Variants in P2RY10 observed in about 807,000 individuals in gnomAD.
P2RY10 encodes P2Y receptor family member 10, also known as putative P2Y purinoceptor 10.
In P2RY10, 4 loss-of-function variants were observed where a neutral mutation model predicts 12.1. The ratio of observed to expected loss-of-function variants is 0.33; its 90% CI spans 0.16 to 0.76. The LOEUF is 0.76. P2RY10 is among the 30% of genes least tolerant of loss of function. P2RY10 has a pLI of 0.61. For synonymous variants in P2RY10, 112 were observed against 94.1 expected, an observed-to-expected ratio of 1.19 and a Z score of -1.10; for missense variants, 233 against 264.6, an observed-to-expected ratio of 0.88 and a Z score of 0.83.
At chrX:78,960,406 A>G (rs1375280697) in intron 3 of P2RY10, 102 bp from the exon 4 acceptor site, 1 of 608,669 alleles carries the variant, frequency 1.6e-6, no homozygotes, top group Non-Finnish European at 2.5e-6. Context: ...GTCTCTTCTA[A>G]TTCTAATAGT....
At chrX:78,950,277 G>T (rs1167556442) in intron 2 of P2RY10, among the ~76,000 whole-genome samples, 1 of 110,984 alleles carries the variant, frequency 9.0e-6, no homozygotes, top group Non-Finnish European at 1.9e-5. Context: ...AGGGTTCAGA[G>T]GGGGAATTCT....
In P2RY10 at chrX:78,963,013, T is replaced by G. The variant is rs184167991; in HGVS notation, c.*1473T>G. On this transcript the variant is annotated 3_prime_UTR_variant, in exon 4 of 4. Transcript: ENST00000171757. ...GTGTGTCCTCTTTCTGACAATCTTT[T>G]TATCTTATTTTTTTCAAACGTTGTG... 2.1e-4 allele frequency among the ~76,000 whole-genome samples: 24 copies of G among 112,317 alleles called. No homozygotes were observed. The highest frequency in any genetic ancestry group is 2.0e-3 in the Admixed American group (21 of 10,584).
chrX:78,956,023 C>T (rs1922318555), intron 3 of P2RY10, among the ~76,000 whole-genome samples: 1 of 111,953 alleles, frequency 8.9e-6, no homozygotes, highest in African/African-American at 3.2e-5. Context: ...CCTCCTCACT[C>T]CCATGTGTAG....
chrX:78,959,530 T>A (rs2032485), intron 3 of P2RY10, among the ~76,000 whole-genome samples: 45,467 of 110,560 alleles, frequency 0.41, 7,272 homozygotes, highest in Non-Finnish European at 0.51. Context: ...ATAAAAACCA[T>A]ACTAAATCAT....
At chrX:78,948,916 G>A (rs762562513) in intron 2 of P2RY10, among the ~76,000 whole-genome samples, 3 of 111,736 alleles carry the variant, frequency 2.7e-5, no homozygotes, top group South Asian at 7.4e-4. Context: ...GTGATTAGTA[G>A]GATTGCTGTA....
intron 2 of P2RY10, among the ~76,000 whole-genome samples, chrX:78,948,713 A>AT (rs955681636): frequency 1.7e-4 from 19 of 110,866 alleles, no homozygotes; most frequent in South Asian, 3.8e-4. Flanking sequence ...GAGAACATCT[A>AT]TTTTTTTTAT....
chrX:78,961,087 A>G lies in P2RY10; in HGVS notation c.567A>G (p.Gln189=). ...GCTTTGCTGATCTTGGATACAAGCA[A>G]ATGAATGCAGTTGCGTTGGTCGGGA... The part of the protein sequence containing the change: ...KSCFADLGYK[Q]MNAVALVGMI... Residue 189 remains glutamine, a synonymous_variant, in exon 4 of 4, where the codon CAA becomes CAG. Transcript: ENST00000171757. The G allele has an allele frequency of 8.3e-7, 1 of 1,210,991 alleles. No individual in the cohort carries two copies. Among genetic ancestry groups the G allele is most frequent in the East Asian group, 3.0e-5 (1 of 33,813 alleles).
intron 2 of P2RY10, among the ~76,000 whole-genome samples, chrX:78,949,089 G>T (rs1921984684): frequency 9.1e-6 from 1 of 110,203 alleles, no homozygotes; most frequent in Non-Finnish European, 1.9e-5. Context: ...AGCCATTCTT[G>T]CAGTAACGTG....
At chrX:78,950,460 A>G (rs935330635) in intron 2 of P2RY10, among the ~76,000 whole-genome samples, 2 of 111,664 alleles carry the variant, frequency 1.8e-5, no homozygotes, top group African/African-American at 6.5e-5. Context: ...AATCCAGTAC[A>G]CCTTTCTATA....
At chrX:78,957,250 C>A (rs1387440022) in intron 3 of P2RY10, among the ~76,000 whole-genome samples, 1 of 108,073 alleles carries the variant, frequency 9.3e-6, no homozygotes, top group Non-Finnish European at 1.9e-5. Context: ...AGACAGGAAC[C>A]AAGAATATGT....
intron 3 of P2RY10, among the ~76,000 whole-genome samples, chrX:78,953,605 A>C (rs1922205231): frequency 8.9e-6 from 1 of 112,065 alleles, no homozygotes; most frequent in African/African-American, 3.2e-5. Context: ...AGCAGTCTTC[A>C]AAATTGCTCA....
chrX:78,951,785 G>T (rs1236558180), intron 2 of P2RY10, among the ~76,000 whole-genome samples: 1 of 111,252 alleles, frequency 9.0e-6, no homozygotes, highest in Non-Finnish European at 1.9e-5. Flanking sequence ...TAAGTTTAGG[G>T]GTACATGTGC....
rs758573467 is a variant in P2RY10 at position 78,951,571 on chromosome X, C to T, written c.-156-622C>T. ...GAAGAGGGGAGTGAGAGTAGGGTTG[C>T]CCGATGTAAGGAAAAAATGGGAGTT... On this transcript the variant is annotated intron_variant, in intron 2 of 3. Transcript: ENST00000171757. 7.6e-4 allele frequency among the ~76,000 whole-genome samples: 84 copies of T among 110,531 alleles called. 1 individual carries two copies. Among genetic ancestry groups the T allele is most frequent in the Non-Finnish European group, 1.5e-3 (80 of 52,801 alleles).
intron 3 of P2RY10, among the ~76,000 whole-genome samples, chrX:78,959,990 C>G (rs901363250): frequency 2.7e-5 from 3 of 111,236 alleles, no homozygotes; most frequent in African/African-American, 9.8e-5. Context: ...ACTGACAATG[C>G]AGGCTTAAGG....
intron 2 of P2RY10, among the ~76,000 whole-genome samples, chrX:78,949,806 T>G (rs1332221795): frequency 8.9e-6 from 1 of 112,367 alleles, no homozygotes; most frequent in Non-Finnish European, 1.9e-5. Context: ...GTAGATTTAT[T>G]CAGGAAACAG....
chrX:78,962,537 G>A lies in P2RY10; in HGVS notation c.*997G>A, dbSNP rs1922682585. Among the ~76,000 whole-genome samples the A allele has an allele frequency of 9.0e-6, 1 of 111,620 alleles. No individual in the cohort carries two copies. Among genetic ancestry groups the A allele is most frequent in the Admixed American group, 9.5e-5 (1 of 10,503 alleles). On this transcript the variant is annotated 3_prime_UTR_variant, in exon 4 of 4. Transcript: ENST00000171757. ...AAGACAGACTAAAGCTAAGCCACAT[G>A]AGATCAAGGCCATTTCAACATGGTT...
In P2RY10 at chrX:78,963,726, G is replaced by A. The variant is rs1289246985; in HGVS notation, c.*2186G>A. On this transcript the variant is annotated 3_prime_UTR_variant, in exon 4 of 4. Transcript: ENST00000171757. Reference sequence around the variant, plus strand: ...AAAATATAAAAACATTCAAGCAATCGACTATTGGTTCTTTCATTTTAAAGG... The same window carrying A: ...AAAATATAAAAACATTCAAGCAATCAACTATTGGTTCTTTCATTTTAAAGG... Among the ~76,000 whole-genome samples the A allele has an allele frequency of 8.9e-6, 1 of 111,965 alleles. No homozygotes were observed. The highest frequency in any genetic ancestry group is 3.2e-5 in the African/African-American group (1 of 30,828).
intron 2 of P2RY10, among the ~76,000 whole-genome samples, chrX:78,949,692 TAAA>T (rs1284684727): frequency 8.9e-6 from 1 of 112,477 alleles, no homozygotes; most frequent in African/African-American, 3.2e-5. Flanking sequence ...ATTTTAAGGA[TAAA>T]AATAATTTTC....
chrX:78,952,081 C>A (rs1189077401), intron 2 of P2RY10, 112 bp from the exon 3 acceptor site: 2 of 284,967 alleles, frequency 7.0e-6, no homozygotes, highest in African/African-American at 2.9e-5. Context: ...CATGTCCCTG[C>A]AAAGGAAATG....
Sources: gnomAD v4.1 joint callset for allele counts (sites outside exome capture counted in the v4.1 genomes callset) on GRCh38, gnomAD v4.1.1 for gene constraint, MANE v1.5 for transcripts, NCBI Gene and HGNC (gene_info 2026-07-23, HGNC 2026-07-21) for gene names.